Variants in ROBO1 observed in about 807,000 individuals in gnomAD.
ROBO1 encodes roundabout homolog 1.
Under a neutral mutation model 195.9 loss-of-function variants are expected in ROBO1, and 149 were observed. That is an observed-to-expected ratio of 0.76 (90% confidence interval 0.67 to 0.87). The LOEUF (loss-of-function observed/expected upper bound fraction) is 0.87. Among genes scored for constraint, ROBO1 ranks in the 40% least tolerant of loss-of-function variants. ROBO1 has a pLI of 0.00. For synonymous variants in ROBO1, 816 were observed against 733.2 expected (o/e 1.11, Z -1.82); for missense variants, 1,933 against 2,068.3 (o/e 0.93, Z 1.27).
chr3:79,383,423 T>C (rs2036635961), intron 2 of ROBO1, among the ~76,000 whole-genome samples: 1 of 152,066 alleles, frequency 6.6e-6, no homozygotes, highest in South Asian at 2.1e-4. Context: ...CTGATTGAAA[T>C]ATAATAAGTG....
chr3:79,709,430 A>C (rs1054690137), intron 1 of ROBO1, among the ~76,000 whole-genome samples: 5 of 152,058 alleles, frequency 3.3e-5, no homozygotes, highest in Admixed American at 6.6e-5. Context: ...AAGAATTTTC[A>C]TATGGGTGTG....
At chr3:79,369,971 T>G (rs2036130411) in intron 2 of ROBO1, among the ~76,000 whole-genome samples, 1 of 152,192 alleles carries the variant, frequency 6.6e-6, no homozygotes, top group Admixed American at 6.5e-5. Context: ...CCTGCCATGC[T>G]TAATATTTTG....
In ROBO1 at chr3:79,622,483, C is replaced by T. The variant is rs144035581; in HGVS notation, c.-50-32522G>A. ...TCCATCTCTGTAGCTCCAGCCTGTG[C>T]TTTTCCCCTGCTGGAGCCAGGAAGG... On this transcript the variant is annotated intron_variant, in intron 1 of 30. Transcript: ENST00000464233. Among the ~76,000 whole-genome samples, 46 of 152,330 alleles carry T rather than the reference C, an allele frequency of 3.0e-4. No individual in the cohort carries two copies. The Middle Eastern group carries it at 0.014, about 45-fold the overall frequency.
intron 2 of ROBO1, among the ~76,000 whole-genome samples, chr3:79,226,952 C>T (rs79283212): frequency 6.6e-6 from 1 of 152,128 alleles, no homozygotes; most frequent in African/African-American, 2.4e-5. Context: ...CCAATCTCAT[C>T]TACTCTGCTT....
intron 2 of ROBO1, among the ~76,000 whole-genome samples, chr3:79,519,099 C>G (rs1047601253): frequency 6.6e-6 from 1 of 152,214 alleles, no homozygotes; most frequent in East Asian, 1.9e-4. Flanking sequence ...GTTCCAGAAC[C>G]CAGGCTGAAG....
chr3:79,673,384 T>G (rs1946687149), intron 1 of ROBO1, among the ~76,000 whole-genome samples: 1 of 151,848 alleles, frequency 6.6e-6, no homozygotes, highest in East Asian at 1.9e-4. Flanking sequence ...CAAAGAAATA[T>G]GAGAGATTTA....
intron 3 of ROBO1, among the ~76,000 whole-genome samples, chr3:79,097,329 T>G (rs769938107): frequency 6.6e-6 from 1 of 151,882 alleles, no homozygotes; most frequent in Non-Finnish European, 1.5e-5. Flanking sequence ...CTACATTCTT[T>G]ATGAATTTTT....
At chr3:78,658,836 T>TA (rs1003672014) in intron 17 of ROBO1, among the ~76,000 whole-genome samples, 2 of 152,196 alleles carry the variant, frequency 1.3e-5, no homozygotes, top group African/African-American at 2.4e-5. Context: ...GTGATTTTTT[T>TA]AAAAATCCCA....
chr3:79,158,514 C>T (rs1240453811), intron 2 of ROBO1, among the ~76,000 whole-genome samples: 1 of 151,298 alleles, frequency 6.6e-6, no homozygotes, highest in Non-Finnish European at 1.5e-5. Context: ...GGTACATATT[C>T]CCTACTCCAA....
intron 4 of ROBO1, among the ~76,000 whole-genome samples, chr3:78,816,671 T>C (rs1553738482): frequency 6.6e-6 from 1 of 152,148 alleles, no homozygotes; most frequent in Non-Finnish European, 1.5e-5. Flanking sequence ...TCAACCCTCA[T>C]GAATGACACT....
intron 1 of ROBO1, among the ~76,000 whole-genome samples, chr3:79,664,452 T>C (rs1234976983): frequency 6.6e-6 from 1 of 152,074 alleles, no homozygotes; most frequent in Non-Finnish European, 1.5e-5. Context: ...AGCTATGGAC[T>C]CCCAGGTGCC....
At chr3:79,025,982 A>G (rs568988585) in intron 3 of ROBO1, among the ~76,000 whole-genome samples, 1 of 152,232 alleles carries the variant, frequency 6.6e-6, no homozygotes, top group South Asian at 2.1e-4. Context: ...ACGATTCTCT[A>G]CCTTTAACAT....
At chr3:78,696,711 T>G (rs1575957507) in intron 8 of ROBO1, among the ~76,000 whole-genome samples, 1 of 147,464 alleles carries the variant, frequency 6.8e-6, no homozygotes, top group South Asian at 2.1e-4. Context: ...CACATATATA[T>G]ACACGTATAT....
rs5850394 is a variant in ROBO1 at position 78,819,445 on chromosome 3, C to CAAA, written c.500-72548_500-72546dup. 1.7e-3 allele frequency among the ~76,000 whole-genome samples: 215 copies of CAAA among 123,494 alleles called. 1 individual carries two copies. Among genetic ancestry groups the CAAA allele is most frequent in the Middle Eastern group, 0.017 (4 of 236 alleles). The allele number at this position is 123,494 out of a possible 152,430, so 81.0% of individuals were successfully genotyped here. A position where few individuals can be genotyped will look rare whatever the true frequency, so the allele number is the denominator to read the frequency against. On this transcript the variant is annotated intron_variant, in intron 4 of 30. Transcript: ENST00000464233. ...ATATGGAATACGTGTCCATATTCTA[C>CAAA]AAAAAAAAAAAAACAAAACCTTTTT...
intron 3 of ROBO1, among the ~76,000 whole-genome samples, chr3:79,043,567 C>G (rs1440947576): frequency 6.6e-6 from 1 of 151,232 alleles, no homozygotes; most frequent in Admixed American, 6.6e-5. Flanking sequence ...TAAAAAAACT[C>G]CTCTCAGATT....
chr3:79,150,039 T>G (rs1553690873), intron 2 of ROBO1, among the ~76,000 whole-genome samples: 2 of 151,520 alleles, frequency 1.3e-5, no homozygotes, highest in Non-Finnish European at 3.0e-5. Flanking sequence ...CCTTGTGGAG[T>G]GTTTAACTCT....
chr3:79,466,683 A>G (rs1937977634), intron 2 of ROBO1, among the ~76,000 whole-genome samples: 1 of 152,144 alleles, frequency 6.6e-6, no homozygotes, highest in South Asian at 2.1e-4. Context: ...TTTAACAGAA[A>G]CTGGTGGCAT....
chr3:78,840,681 C>A (rs745962181), intron 4 of ROBO1, among the ~76,000 whole-genome samples: 2 of 152,136 alleles, frequency 1.3e-5, no homozygotes, highest in African/African-American at 2.4e-5. Flanking sequence ...TATTAAACTA[C>A]AGTTAACATA....
intron 2 of ROBO1, among the ~76,000 whole-genome samples, chr3:79,332,043 T>C (rs576961698): frequency 1.9e-4 from 29 of 150,734 alleles, no homozygotes; most frequent in African/African-American, 7.1e-4. Flanking sequence ...CTGGGAAGGC[T>C]GAGGCAGGAG....
Sources: gnomAD v4.1 joint callset for allele counts (sites outside exome capture counted in the v4.1 genomes callset) on GRCh38, gnomAD v4.1.1 for gene constraint, MANE v1.5 for transcripts, NCBI Gene and HGNC (gene_info 2026-07-23, HGNC 2026-07-21) for gene names.